The following MTMR10 variants were observed in gnomAD, a reference collection of about 807,000 sequenced individuals.
MTMR10 encodes myotubularin-related protein 10.
In MTMR10, 56 loss-of-function variants were observed where a neutral mutation model predicts 88.1. The ratio of observed to expected loss-of-function variants is 0.64; its 90% CI spans 0.51 to 0.79. MTMR10 has a LOEUF of 0.79. Among genes scored for constraint, MTMR10 ranks in the 30% least tolerant of loss-of-function variants. MTMR10 has a pLI of 0.00. For missense variants in MTMR10, 883 were observed against 924.7 expected (o/e 0.95, Z 0.58); for synonymous variants, 380 against 340.9 (o/e 1.11, Z -1.26).
the MTMR10 span, among the ~76,000 whole-genome samples, chr15:30,929,816 ATAT>A: frequency 2.5e-3 from 113 of 45,822 alleles, 10 homozygotes; most frequent in Admixed American, 3.1e-3. Flanking sequence ...AATATATAAT[ATAT>A]TATATCATAT....
intron 9 of MTMR10, among the ~76,000 whole-genome samples, chr15:30,956,860 C>G (rs1444286211): frequency 6.6e-6 from 1 of 152,232 alleles, no homozygotes; most frequent in African/African-American, 2.4e-5. Context: ...TGCACTTCAT[C>G]AGCATGTATG....
At chr15:30,965,146 C>A (rs2063458344) in intron 6 of MTMR10, among the ~76,000 whole-genome samples, 1 of 152,176 alleles carries the variant, frequency 6.6e-6, no homozygotes, top group Non-Finnish European at 1.5e-5. Flanking sequence ...CTGGCTGGAA[C>A]CACCAATATT....
At chr15:30,956,690 T>C (rs953711611) in intron 9 of MTMR10, among the ~76,000 whole-genome samples, 2 of 152,230 alleles carry the variant, frequency 1.3e-5, no homozygotes, top group African/African-American at 2.4e-5. Context: ...AAAGAGGATC[T>C]GTTCTACTTA....
At chr15:30,930,495 T>G in the MTMR10 span, 1 of 1,553,382 alleles carries the variant, frequency 6.4e-7, no homozygotes, top group Non-Finnish European at 8.7e-7. Context: ...CCTATTTCCA[T>G]TCTCTGTCAC....
Position 30,941,584 on chromosome 15 carries a change from T to C in MTMR10, c.2220A>G (p.Pro740=). The C allele has an allele frequency of 6.3e-7, 1 of 1,599,814 alleles. No homozygotes were observed. The highest frequency in any genetic ancestry group is 8.5e-7 in the Non-Finnish European group (1 of 1,172,718). ...GTPEFLSSSF[P]FSPVGNLCRR... is the part of the protein sequence containing the mutation. ...TGCACAGATTCCCTACAGGAGAAAA[T>C]GGAAATGAGGAGGAGAGAAACTCCG... Residue 740 remains proline (P), a synonymous_variant, in exon 16 of 16, where the codon CCA becomes CCG. Transcript: ENST00000435680.
At position 30,947,189 on chromosome 15, in the gene MTMR10, T is replaced by G. The variant is rs1355323758; in HGVS notation, c.1489A>C (p.Ile497Leu). The G allele has an allele frequency of 1.2e-6, 2 of 1,613,960 alleles. No homozygotes were observed. The highest frequency in any genetic ancestry group is 1.7e-6 in the Non-Finnish European group (2 of 1,179,874). ...YLAVLYDSTR[I>L]SLFGTFLFNS... ...AACAGGAAGGTGCCAAACAGTGAGA[T>G]CCGGGTGCTGTCATACAACACTGCC... Residue 497 changes from isoleucine (I) to leucine (L), a missense_variant, in exon 14 of 16, where the codon ATC becomes CTC. Physicochemically the swap from Ile to Leu is conservative, Grantham distance 5. This residue lies in a region of MTMR10 where 126 missense variants were observed against 178.2 expected (regional missense o/e 0.71). Transcript: ENST00000435680.
At chr15:30,932,863 C>T in the MTMR10 span, among the ~76,000 whole-genome samples, 5 of 151,476 alleles carry the variant, frequency 3.3e-5, no homozygotes, top group Admixed American at 2.6e-4. Context: ...CAGCTGTGCA[C>T]CACCATGCCT....
At position 30,990,865 on chromosome 15, in the gene MTMR10, A is replaced by G. The variant is rs371197387; in HGVS notation, c.61-28T>C. On this transcript the variant is annotated intron_variant, in intron 1 of 15. Coordinates refer to ENST00000435680, the MANE Select transcript of MTMR10 (RefSeq NM_017762.3). ...GAAATACATTAGCAAAATAAATCAAAATCTCAATCCCCCCACCCTCCGTAA... is the reference window on the plus strand; with the variant it reads ...GAAATACATTAGCAAAATAAATCAAGATCTCAATCCCCCCACCCTCCGTAA... 7.8e-4 allele frequency: 1,212 copies of G among 1,557,920 alleles called. 15 individuals are homozygous for G. Among genetic ancestry groups the G allele is most frequent in the Non-Finnish European group, 1.6e-4 (183 of 1,144,664 alleles).
In MTMR10 at chr15:30,991,563, T is replaced by G; in HGVS notation, c.-57A>C. 9 of 1,521,040 alleles carry G rather than the reference T, an allele frequency of 5.9e-6. No individual in the cohort carries two copies. The highest frequency in any genetic ancestry group is 7.9e-6 in the Non-Finnish European group (9 of 1,142,932). The allele number at this position is 1,521,040 out of a possible 1,614,324, so 94.2% of individuals were successfully genotyped here. ...GCGGGCCAGTGGCAGCGCCGACGCC[T>G]CCGGGCGTAAAGCTCTCAGTGCGGC... On this transcript the variant is annotated 5_prime_UTR_variant, in exon 1 of 16. Coordinates refer to ENST00000435680, the MANE Select transcript of MTMR10 (RefSeq NM_017762.3).
At chr15:30,943,920 A>T (rs1011842390) in intron 14 of MTMR10, 18 of 985,344 alleles carry the variant, frequency 1.8e-5, no homozygotes, top group Middle Eastern at 1.0e-3. Flanking sequence ...TGTATACACA[A>T]CAGTTCGCTG....
chr15:30,929,928 AAT>A, the MTMR10 span, among the ~76,000 whole-genome samples: 1 of 115,158 alleles, frequency 8.7e-6, no homozygotes, highest in Middle Eastern at 4.0e-3. Flanking sequence ...TATCATATAT[AAT>A]ATATAAAATA....
chr15:30,948,604 A>G, intron 12 of MTMR10, 133 bp from the exon 13 acceptor site: 1 of 837,410 alleles, frequency 1.2e-6, no homozygotes, highest in Non-Finnish European at 1.8e-6. Flanking sequence ...AGGAAATTTT[A>G]CTGGATTCCA....
the MTMR10 span, among the ~76,000 whole-genome samples, chr15:30,930,017 A>T: frequency 7.3e-6 from 1 of 137,524 alleles, no homozygotes; most frequent in Non-Finnish European, 1.5e-5. Context: ...TGTATAAAAT[A>T]TATAATAATA....
chr15:30,926,713 C>G, the MTMR10 span: 1 of 985,402 alleles, frequency 1.0e-6, no homozygotes, highest in Non-Finnish European at 1.2e-6. Context: ...ACATTCAAGG[C>G]CCCGAGAGAC....
At chr15:30,951,495 T>G (rs978090517) in intron 12 of MTMR10, among the ~76,000 whole-genome samples, 1 of 121,818 alleles carries the variant, frequency 8.2e-6, no homozygotes, top group Non-Finnish European at 1.7e-5. Flanking sequence ...GCAGTCCTTG[T>G]GCCACTGGTT....
intron 7 of MTMR10, among the ~76,000 whole-genome samples, chr15:30,960,645 T>C (rs772632323): frequency 2.6e-5 from 4 of 152,206 alleles, no homozygotes; most frequent in Non-Finnish European, 4.4e-5. Context: ...CAAGATATAA[T>C]GCAATAAACA....
chr15:30,945,063 T>C (rs1268715881), intron 14 of MTMR10, among the ~76,000 whole-genome samples: 1 of 151,950 alleles, frequency 6.6e-6, no homozygotes, highest in East Asian at 1.9e-4. Flanking sequence ...TAAAAATATT[T>C]ATCCCAAGAG....
intron 6 of MTMR10, among the ~76,000 whole-genome samples, chr15:30,966,285 T>C (rs1470656264): frequency 6.6e-6 from 1 of 152,204 alleles, no homozygotes; most frequent in Admixed American, 6.5e-5. Context: ...TATGGGTGGA[T>C]AAACTAAAGT....
chr15:30,987,952 T>C (rs1333366012), intron 2 of MTMR10, among the ~76,000 whole-genome samples: 1 of 150,318 alleles, frequency 6.7e-6, no homozygotes, highest in African/African-American at 2.5e-5. Flanking sequence ...TGCATCCCTG[T>C]ATATAGCCAC....
Sources: allele counts gnomAD v4.1 joint callset (sites outside exome capture counted in the v4.1 genomes callset), GRCh38; gene constraint gnomAD v4.1.1; regional missense constraint gnomAD v4.1.1; transcripts MANE v1.5; gene names NCBI Gene and HGNC (gene_info 2026-07-23, HGNC 2026-07-21).